The following C12orf75 variants were observed in gnomAD, a reference collection of about 807,000 sequenced individuals.
C12orf75 encodes overexpressed in colon carcinoma 1 protein.
Under a neutral mutation model 11.4 loss-of-function variants are expected in C12orf75, and 4 were observed. That is an observed-to-expected ratio of 0.35 (90% confidence interval 0.17 to 0.80). The LOEUF (loss-of-function observed/expected upper bound fraction) is 0.80. Ranked by LOEUF, C12orf75 falls within the 30% of genes least tolerant of loss-of-function variation. The pLI is 0.52. For synonymous variants in C12orf75, 30 were observed against 30.0 expected (o/e 1.00, Z 0.00); for missense variants, 89 against 80.4 (o/e 1.11, Z -0.41).
At chr12:105,348,418 CAAAAAAAAA>C (rs35593271) in intron 1 of C12orf75, among the ~76,000 whole-genome samples, 175 bp from the exon 2 acceptor site, 1 of 116,114 alleles carries the variant, frequency 8.6e-6, no homozygotes, top group African/African-American at 3.2e-5. Flanking sequence ...GTATCTGAAA[CAAAAAAAAA>C]AAAAAAAAAA....
chr12:105,352,068 A>AT (rs1892720738), intron 2 of C12orf75, among the ~76,000 whole-genome samples: 1 of 152,186 alleles, frequency 6.6e-6, no homozygotes, highest in African/African-American at 2.4e-5. Flanking sequence ...AGAAAATGTA[A>AT]TTAATAAGAT....
intron 2 of C12orf75, among the ~76,000 whole-genome samples, chr12:105,350,726 C>G (rs932889204): frequency 6.6e-5 from 10 of 152,042 alleles, no homozygotes; most frequent in African/African-American, 2.2e-4. Context: ...TTATTGTGCT[C>G]TAGAGTTATT....
rs71440581 is a variant in C12orf75 at position 105,331,591 on chromosome 12, A to AACACACAC, written c.46+680_46+687dup. Among the ~76,000 whole-genome samples, 818 of 149,280 alleles carry AACACACAC rather than the reference A, an allele frequency of 5.5e-3. 3 individuals are homozygous for AACACACAC. The highest frequency in any genetic ancestry group is 6.4e-3 in the Non-Finnish European group (433 of 67,246). On this transcript the variant is annotated intron_variant, in intron 1 of 5. Coordinates refer to ENST00000443585, the MANE Select transcript of C12orf75 (RefSeq NM_001145199.2). ...CAGTCTGTTAAGATACTTTTCATTAAACACACACACACACACACACACACA... is the reference window on the plus strand; with the variant it reads ...CAGTCTGTTAAGATACTTTTCATTAAACACACACACACACACACACACACACACACACA...
At chr12:105,346,601 ATGG>A (rs1443792105) in intron 1 of C12orf75, among the ~76,000 whole-genome samples, 2 of 152,188 alleles carry the variant, frequency 1.3e-5, no homozygotes, top group Non-Finnish European at 2.9e-5. Context: ...TTTAACAGTA[ATGG>A]TGGCACAGAA....
At chr12:105,350,188 A>G (rs1892693451) in intron 2 of C12orf75, among the ~76,000 whole-genome samples, 1 of 152,158 alleles carries the variant, frequency 6.6e-6, no homozygotes, top group South Asian at 2.1e-4. Context: ...AATTTTCCTC[A>G]AGCACTGCCC....
intron 2 of C12orf75, 40 bp downstream of exon 2, chr12:105,348,666 T>A: frequency 7.0e-7 from 1 of 1,433,132 alleles, no homozygotes. Context: ...GCTGTCTTTC[T>A]GAGGAAGTTG....
intron 1 of C12orf75, among the ~76,000 whole-genome samples, chr12:105,332,341 A>G (rs1431068176): frequency 6.6e-6 from 1 of 152,244 alleles, no homozygotes; most frequent in Non-Finnish European, 1.5e-5. Context: ...GATTTCCCTT[A>G]AAATGAGGCT....
intron 5 of C12orf75, among the ~76,000 whole-genome samples, chr12:105,370,142 A>G (rs1871587137): frequency 6.6e-6 from 1 of 152,172 alleles, no homozygotes. Context: ...CCCTAGGCTG[A>G]AAGTTATGCC....
chr12:105,330,973 G>A, intron 1 of C12orf75, 36 bp downstream of exon 1: 2 of 1,147,124 alleles, frequency 1.7e-6, no homozygotes, highest in Non-Finnish European at 2.2e-6. Flanking sequence ...GGCGGGGGCG[G>A]GCGGGAGAGG....
chr12:105,357,533 A>C (rs1892798528), intron 2 of C12orf75, among the ~76,000 whole-genome samples: 1 of 152,154 alleles, frequency 6.6e-6, no homozygotes, highest in Non-Finnish European at 1.5e-5. Context: ...GGAGAATATG[A>C]GTTACGGGGG....
chr12:105,351,834 G>A (rs1444898739), intron 2 of C12orf75, among the ~76,000 whole-genome samples: 1 of 152,160 alleles, frequency 6.6e-6, no homozygotes, highest in Non-Finnish European at 1.5e-5. Context: ...TTGGGTGCAA[G>A]GCCAATAATC....
intron 1 of C12orf75, among the ~76,000 whole-genome samples, chr12:105,345,659 C>A (rs1325397503): frequency 1.4e-5 from 1 of 73,520 alleles, no homozygotes; most frequent in African/African-American, 5.6e-5. Context: ...AGTGTCTGGC[C>A]TTTTTTTTTT....
intron 2 of C12orf75, among the ~76,000 whole-genome samples, chr12:105,350,947 T>C (rs529732032): frequency 6.6e-6 from 1 of 152,324 alleles, no homozygotes; most frequent in East Asian, 1.9e-4. Flanking sequence ...ATTCTTCAGA[T>C]TTCCCTTGAC....
At position 105,339,164 on chromosome 12, in the gene C12orf75, T is replaced by C. The variant is rs73401737; in HGVS notation, c.46+8227T>C. Among the ~76,000 whole-genome samples, 1,409 of 152,280 alleles carry C rather than the reference T, an allele frequency of 9.3e-3. 22 individuals carry two copies. The highest frequency in any genetic ancestry group is 0.032 in the African/African-American group (1,323 of 41,544). ...GCCAAACCAAGACTATGACATAGTT[T>C]TATAACTATTGTGGGTCAGAAGAGC... is the stretch of plus-strand genomic sequence containing the variant. On this transcript the variant is annotated intron_variant, in intron 1 of 5. Transcript: ENST00000443585.
chr12:105,346,205 A>G (rs1279230629), intron 1 of C12orf75, among the ~76,000 whole-genome samples: 1 of 151,998 alleles, frequency 6.6e-6, no homozygotes, highest in Non-Finnish European at 1.5e-5. Context: ...ACCAGTGTAC[A>G]TCGTACAGGT....
At chr12:105,362,248 T>TA (rs1555266091) in intron 2 of C12orf75, among the ~76,000 whole-genome samples, 2 of 150,434 alleles carry the variant, frequency 1.3e-5, no homozygotes, top group African/African-American at 2.5e-5. Flanking sequence ...TAGCCGGGCG[T>TA]GTGGCGGGCG....
intron 2 of C12orf75, among the ~76,000 whole-genome samples, chr12:105,350,453 T>C (rs1193930078): frequency 6.6e-6 from 1 of 152,222 alleles, no homozygotes; most frequent in Non-Finnish European, 1.5e-5. Flanking sequence ...TCCTTGTGTT[T>C]TGCTGTGCCC....
intron 1 of C12orf75, among the ~76,000 whole-genome samples, chr12:105,345,568 A>AAGCT (rs1021990600): frequency 6.6e-6 from 1 of 151,812 alleles, no homozygotes; most frequent in Non-Finnish European, 1.5e-5. Context: ...ATGTCAAGCA[A>AAGCT]AGCTGTCGTT....
At chr12:105,351,821 G>C (rs1003265851) in intron 2 of C12orf75, among the ~76,000 whole-genome samples, 3 of 152,138 alleles carry the variant, frequency 2.0e-5, no homozygotes, top group African/African-American at 7.2e-5. Flanking sequence ...CTTGTGAAGG[G>C]CCTTGGGTGC....
Sources: allele counts gnomAD v4.1 joint callset (sites outside exome capture counted in the v4.1 genomes callset), GRCh38; gene constraint gnomAD v4.1.1; transcripts MANE v1.5; gene names NCBI Gene and HGNC (gene_info 2026-07-23, HGNC 2026-07-21).